DNAH3: variants seen among roughly 807,000 people sequenced by gnomAD.
DNAH3 encodes the protein dynein axonemal heavy chain 3, also known as axonemal beta dynein heavy chain 3.
Under a neutral mutation model 432.5 loss-of-function variants are expected in DNAH3, and 332 were observed. That is an observed-to-expected ratio of 0.77 (90% confidence interval 0.70 to 0.84). The LOEUF (loss-of-function observed/expected upper bound fraction) is 0.84, where lower values mean the gene tolerates loss of function less well. Ranked by LOEUF, DNAH3 falls within the 40% of genes least tolerant of loss-of-function variation. The pLI, the probability that DNAH3 is intolerant of heterozygous loss-of-function variation, is 0.00. For missense variants in DNAH3, 4,861 were observed against 5,114.0 expected, an observed-to-expected ratio of 0.95 and a Z score of 1.51; for synonymous variants, 1,956 against 1,900.2, an observed-to-expected ratio of 1.03 and a Z score of -0.76.
chr16:20,957,787 A>G (rs2084630235), intron 54 of DNAH3, among the ~76,000 whole-genome samples: 1 of 137,816 alleles, frequency 7.3e-6, no homozygotes, highest in Non-Finnish European at 1.5e-5. Flanking sequence ...AGCCTGGGCA[A>G]TAAGAGCGAA....
rs116377332 is a variant in DNAH3, at chr16:20,982,021, T to C, written c.7859+700A>G. ...ATAATATATAATATATATAATTAAG[T>C]ATATATATATAATAAAGCACATATA... is the stretch of plus-strand genomic sequence containing the variant. On this transcript the variant is annotated intron_variant, in intron 49 of 61. Transcript: ENST00000261383. 2.1e-3 allele frequency among the ~76,000 whole-genome samples: 307 copies of C among 144,970 alleles called. 2 individuals carry two copies. The highest frequency in any genetic ancestry group is 7.2e-3 in the African/African-American group (277 of 38,438).
rs1461376489 is a variant in DNAH3, at chr16:21,098,658, A to G, written c.2478T>C (p.Asn826=). ...CCCGATTTAGGTTCTTTGAAAGCTC[A>G]TTAAGCTTTTCAACATTGTGCTTCA... The change falls in exon 17 of 62, where the codon AAT becomes AAC. Residue 826 remains asparagine, a synonymous_variant. Coordinates refer to ENST00000261383, the Ensembl canonical transcript of DNAH3. 4.3e-6 allele frequency: 7 copies of G among 1,613,392 alleles called. No homozygotes were observed. The African/African-American group carries it at 6.7e-5, about 15-fold the overall frequency.
At chr16:21,051,112 A>T (rs1314603093) in intron 29 of DNAH3, among the ~76,000 whole-genome samples, 1 of 152,238 alleles carries the variant, frequency 6.6e-6, no homozygotes, top group Non-Finnish European at 1.5e-5. Flanking sequence ...AAATACTCCC[A>T]AGTATTAGTT....
rs141258317 is a variant in DNAH3, at chr16:21,102,963, C to T, written c.2366+1508G>A. The stretch of plus-strand genomic sequence containing the variant: ...GGTCAGGATGGTCTCAATCTCTTGA[C>T]CTCATGATCTGCCTGCCTCGGCCTC... On this transcript the variant is annotated intron_variant, in intron 16 of 61. Transcript: ENST00000261383. Among the ~76,000 whole-genome samples, 18 of 151,382 alleles carry T rather than the reference C, an allele frequency of 1.2e-4. 1 individual carries two copies. The East Asian group carries it at 3.5e-3, about 29-fold the overall frequency.
At chr16:20,996,323 G>A (rs1380178807) in intron 44 of DNAH3, among the ~76,000 whole-genome samples, 1 of 152,064 alleles carries the variant, frequency 6.6e-6, no homozygotes, top group South Asian at 2.1e-4. Flanking sequence ...ATATGTTGTT[G>A]ATCTGGAACT....
chr16:21,005,050 T>A (rs2087208577), intron 41 of DNAH3, among the ~76,000 whole-genome samples: 1 of 152,230 alleles, frequency 6.6e-6, no homozygotes, highest in Non-Finnish European at 1.5e-5. Context: ...TTAAATAGAT[T>A]CAATGCTCAG....
chr16:21,021,913 G>T (rs923994449), intron 40 of DNAH3, 58 bp downstream of exon 40: 5 of 1,569,458 alleles, frequency 3.2e-6, no homozygotes, highest in African/African-American at 2.8e-5. Context: ...AAAAAAAAAA[G>T]AAATAGCCAA....
At chr16:21,036,881 G>C in intron 34 of DNAH3, 33 bp from the exon 35 acceptor site, 1 of 1,568,518 alleles carries the variant, frequency 6.4e-7, no homozygotes, top group Non-Finnish European at 8.8e-7. Context: ...AAGTGGAAAG[G>C]ATAAAGTATC....
chr16:21,054,458 C>G lies in DNAH3; in HGVS notation c.4001G>C (p.Arg1334Pro), dbSNP rs547990281. The change falls in exon 28 of 62, where the codon CGA becomes CCA. Residue 1334 changes from arginine to proline, a missense_variant. By Grantham distance (103) the Arg-to-Pro change is moderately radical. Coordinates refer to ENST00000261383, the Ensembl canonical transcript of DNAH3. ...GACCGTGAGGGCCCCGAGAGTGAGTCGAGCTCCACTGCTCAGCTTCCCTCG... is the reference window on the plus strand; with the variant it reads ...GACCGTGAGGGCCCCGAGAGTGAGTGGAGCTCCACTGCTCAGCTTCCCTCG... The G allele has an allele frequency of 7.4e-6, 12 of 1,614,072 alleles. No individual in the cohort carries two copies. In the East Asian group the frequency reaches 2.7e-4, roughly 36 times the overall value.
Position 21,003,211 on chromosome 16 carries a change from G to A in DNAH3, c.6023-4C>T, listed in dbSNP as rs756965222. On this transcript the variant is annotated splice_region_variant and splice_polypyrimidine_tract_variant and intron_variant, in intron 41 of 61. Transcript: ENST00000261383. ...AAATAAAAATCATAGATGCTTCCTGGACCCAAAGAAACAAAACAGATCATT... is the reference window on the plus strand; with the variant it reads ...AAATAAAAATCATAGATGCTTCCTGAACCCAAAGAAACAAAACAGATCATT... The A allele has an allele frequency of 1.3e-6, 2 of 1,595,022 alleles. No individual in the cohort carries two copies. Among genetic ancestry groups the A allele is most frequent in the Non-Finnish European group, 1.7e-6 (2 of 1,171,038 alleles).
rs1284225665 is a variant in DNAH3, at chr16:20,991,039, A to T, written c.6602-2974T>A. Among the ~76,000 whole-genome samples the T allele has an allele frequency of 2.0e-5, 3 of 151,646 alleles. No homozygotes were observed. The South Asian group carries it at 6.3e-4, about 32-fold the overall frequency. ...CTGTCTCAAAACAAACAAACAAAAA[A>T]CAAAACAAAACAAAAACAAAATAGA... On this transcript the variant is annotated intron_variant, in intron 44 of 61. Transcript: ENST00000261383.
intron 1 of DNAH3, among the ~76,000 whole-genome samples, chr16:21,158,010 C>T (rs979510035): frequency 1.3e-5 from 2 of 152,060 alleles, no homozygotes; most frequent in African/African-American, 2.4e-5. Context: ...AGAATTATTC[C>T]GCCCCAAATG....
intron 18 of DNAH3, among the ~76,000 whole-genome samples, chr16:21,094,300 CA>C (rs1262260149): frequency 1.3e-5 from 2 of 152,134 alleles, no homozygotes; most frequent in Non-Finnish European, 2.9e-5. Flanking sequence ...AAGAAATGTT[CA>C]AGATCATTAG....
At chr16:20,989,342 T>C (rs954437674) in intron 44 of DNAH3, among the ~76,000 whole-genome samples, 2 of 151,790 alleles carry the variant, frequency 1.3e-5, no homozygotes, top group African/African-American at 2.4e-5. Flanking sequence ...AGAGTGTTGA[T>C]TGGTGCACTC....
intron 31 of DNAH3, among the ~76,000 whole-genome samples, chr16:21,043,133 C>T (rs1009069142): frequency 6.6e-5 from 10 of 151,928 alleles, no homozygotes; most frequent in East Asian, 3.9e-4. Flanking sequence ...AGTAAACATA[C>T]GTGTGCATGT....
intron 35 of DNAH3, among the ~76,000 whole-genome samples, chr16:21,034,485 C>T (rs930287863): frequency 6.6e-6 from 1 of 152,140 alleles, no homozygotes; most frequent in Non-Finnish European, 1.5e-5. Flanking sequence ...TTGACTTTAA[C>T]GCCTCTAATA....
intron 51 of DNAH3, among the ~76,000 whole-genome samples, chr16:20,974,551 G>A (rs1473770053): frequency 6.8e-6 from 1 of 147,820 alleles, no homozygotes; most frequent in East Asian, 2.0e-4. Context: ...CTACATGGGT[G>A]TGCCACTACA....
chr16:21,085,921 T>C (rs2091356525), intron 19 of DNAH3, among the ~76,000 whole-genome samples: 1 of 152,080 alleles, frequency 6.6e-6, no homozygotes, highest in Non-Finnish European at 1.5e-5. Context: ...TGTGCACCAC[T>C]ACACCTAGCT....
chr16:21,078,835 AAC>A, intron 20 of DNAH3, among the ~76,000 whole-genome samples: 1 of 152,230 alleles, frequency 6.6e-6, no homozygotes, highest in Non-Finnish European at 1.5e-5. Context: ...AAGCTGCATT[AAC>A]TATGGTGTGG....
Sources: gnomAD v4.1 joint callset for allele counts (sites outside exome capture counted in the v4.1 genomes callset) on GRCh38, gnomAD v4.1.1 for gene constraint, MANE v1.5 for transcripts, NCBI Gene and HGNC (gene_info 2026-07-23, HGNC 2026-07-21) for gene names.